Variants in HMGCLL1 observed in about 807,000 individuals in gnomAD.
HMGCLL1 encodes the protein 3-hydroxymethyl-3-methylglutaryl-CoA lyase, cytoplasmic.
A neutral mutation model predicts 39.1 loss-of-function variants in HMGCLL1; 36 were observed. That is an observed-to-expected ratio of 0.92 (90% confidence interval 0.71 to 1.22). The LOEUF (loss-of-function observed/expected upper bound fraction) is 1.22. HMGCLL1 is among the 50% of genes most tolerant of loss of function. HMGCLL1 has a pLI of 0.00. For synonymous variants in HMGCLL1, 149 were observed against 144.0 expected, an observed-to-expected ratio of 1.03 and a Z score of -0.25; for missense variants, 451 against 416.5, an observed-to-expected ratio of 1.08 and a Z score of -0.72.
At chr6:55,525,844 T>A (rs890560096) in intron 3 of HMGCLL1, among the ~76,000 whole-genome samples, 2 of 151,922 alleles carry the variant, frequency 1.3e-5, no homozygotes, top group African/African-American at 2.4e-5. Flanking sequence ...GAGTAGAAGT[T>A]TTGGAGTAGA....
intron 1 of HMGCLL1, among the ~76,000 whole-genome samples, chr6:55,556,023 G>C (rs1167010687): frequency 1.3e-5 from 2 of 152,016 alleles, no homozygotes; most frequent in African/African-American, 4.8e-5. Flanking sequence ...CTTTGCGGGG[G>C]TTCCCTAAAC....
At chr6:55,632,030 T>A in the HMGCLL1 span, among the ~76,000 whole-genome samples, 1 of 152,124 alleles carries the variant, frequency 6.6e-6, no homozygotes, top group African/African-American at 2.4e-5. Context: ...GGTTTTTTTG[T>A]TTGTTTGTTT....
chr6:55,526,778 T>C (rs1044044466), intron 3 of HMGCLL1, among the ~76,000 whole-genome samples: 1 of 152,068 alleles, frequency 6.6e-6, no homozygotes, highest in South Asian at 2.1e-4. Flanking sequence ...AGAGACTCCT[T>C]TCTAAATTGC....
At chr6:55,484,270 A>G (rs1280903159) in intron 7 of HMGCLL1, among the ~76,000 whole-genome samples, 1 of 151,922 alleles carries the variant, frequency 6.6e-6, no homozygotes, top group African/African-American at 2.4e-5. Context: ...TTGAGACTCT[A>G]GGGCTCAAGA....
At chr6:55,619,334 G>A in the HMGCLL1 span, among the ~76,000 whole-genome samples, 3 of 151,964 alleles carry the variant, frequency 2.0e-5, no homozygotes, top group Non-Finnish European at 2.9e-5. Context: ...TCATAAAATG[G>A]CATCTAAATA....
chr6:55,495,357 T>C (rs1766515421), intron 7 of HMGCLL1, 62 bp downstream of exon 7: 1 of 1,250,022 alleles, frequency 8.0e-7, no homozygotes, highest in Non-Finnish European at 1.1e-6. Context: ...TCAGTATGTT[T>C]ATATTACAGA....
chr6:55,543,428 TC>T (rs1561951308), intron 1 of HMGCLL1, among the ~76,000 whole-genome samples: 1,204 of 71,442 alleles, frequency 0.017, 47 homozygotes, highest in African/African-American at 0.073. Flanking sequence ...ATGATATATA[TC>T]ATATATCATA....
At chr6:55,627,904 A>G in the HMGCLL1 span, among the ~76,000 whole-genome samples, 1 of 22,596 alleles carries the variant, frequency 4.4e-5, no homozygotes, top group Non-Finnish European at 6.9e-5. Flanking sequence ...TATATAGTAT[A>G]TATACTATAT....
At chr6:55,553,132 A>T (rs1770437260) in intron 1 of HMGCLL1, among the ~76,000 whole-genome samples, 1 of 149,056 alleles carries the variant, frequency 6.7e-6, no homozygotes, top group Non-Finnish European at 1.5e-5. Context: ...AACAAGAGCA[A>T]AACTCCATCT....
intron 3 of HMGCLL1, among the ~76,000 whole-genome samples, chr6:55,537,469 C>T (rs1189873081): frequency 6.6e-6 from 1 of 152,190 alleles, no homozygotes; most frequent in Admixed American, 6.5e-5. Context: ...TAACTATACA[C>T]ATACTTTAAT....
At chr6:55,604,195 T>C in the HMGCLL1 span, among the ~76,000 whole-genome samples, 1 of 152,264 alleles carries the variant, frequency 6.6e-6, no homozygotes, top group African/African-American at 2.4e-5. Flanking sequence ...TCTACAGAGC[T>C]CTTGCCAAGT....
intron 7 of HMGCLL1, 100 bp from the exon 8 acceptor site, chr6:55,439,659 G>A: frequency 7.8e-7 from 1 of 1,283,460 alleles, no homozygotes; most frequent in Non-Finnish European, 1.1e-6. Flanking sequence ...AGCAAAATCT[G>A]AACTGGTTAT....
At chr6:55,448,534 AC>A (rs1482091087) in intron 7 of HMGCLL1, among the ~76,000 whole-genome samples, 3 of 152,004 alleles carry the variant, frequency 2.0e-5, no homozygotes, top group Non-Finnish European at 4.4e-5. Flanking sequence ...AGGTCTATCT[AC>A]TTTTTTTCAT....
chr6:55,519,763 G>A (rs571437641), intron 3 of HMGCLL1, among the ~76,000 whole-genome samples: 1 of 152,000 alleles, frequency 6.6e-6, no homozygotes, highest in Admixed American at 6.6e-5. Flanking sequence ...GATAACAAAA[G>A]TTAATAAAGA....
chr6:55,506,837 A>G (rs559830808), intron 5 of HMGCLL1, among the ~76,000 whole-genome samples: 2 of 79,240 alleles, frequency 2.5e-5, no homozygotes, highest in African/African-American at 9.0e-5. Flanking sequence ...TTTCAACTTA[A>G]AAAGAAAAAA....
intron 1 of HMGCLL1, among the ~76,000 whole-genome samples, chr6:55,548,377 T>A (rs1051743604): frequency 2.6e-5 from 4 of 152,118 alleles, no homozygotes; most frequent in African/African-American, 9.6e-5. Context: ...ACATACAGCA[T>A]AAATAAATAC....
At chr6:55,608,926 G>C in the HMGCLL1 span, among the ~76,000 whole-genome samples, 1 of 152,230 alleles carries the variant, frequency 6.6e-6, no homozygotes, top group African/African-American at 2.4e-5. Context: ...GACCCACGGA[G>C]AGGAGAGAAG....
the HMGCLL1 span, among the ~76,000 whole-genome samples, chr6:55,633,762 C>T: frequency 3.9e-5 from 6 of 151,916 alleles, no homozygotes; most frequent in South Asian, 2.1e-4. Flanking sequence ...TCTGTAGTGA[C>T]GTTAAACTGT....
the HMGCLL1 span, among the ~76,000 whole-genome samples, chr6:55,614,948 G>A: frequency 2.4e-4 from 36 of 151,974 alleles, no homozygotes; most frequent in African/African-American, 6.3e-4. Flanking sequence ...TGAAAGCAGC[G>A]TGAGCAGTAT....
Sources: allele counts gnomAD v4.1 joint callset (sites outside exome capture counted in the v4.1 genomes callset), GRCh38; gene constraint gnomAD v4.1.1; transcripts MANE v1.5; gene names NCBI Gene and HGNC (gene_info 2026-07-23, HGNC 2026-07-21).